SHTN1: variants seen among roughly 807,000 people sequenced by gnomAD.
The protein encoded by SHTN1 is shootin 1.
A neutral mutation model predicts 83.1 loss-of-function variants in SHTN1; 42 were observed. The observed-to-expected ratio is 0.51, with a 90% CI of 0.39 to 0.65. The LOEUF (loss-of-function observed/expected upper bound fraction) is 0.65, where lower values mean the gene tolerates loss of function less well. Ranked by LOEUF, SHTN1 falls within the 30% of genes least tolerant of loss-of-function variation. The probability of loss-of-function intolerance (pLI) is 0.00; values close to 1 mark genes in which losing one functional copy is unlikely to be tolerated. For missense variants in SHTN1, 622 were observed against 737.8 expected (o/e 0.84, Z 1.82); for synonymous variants, 224 against 247.7 (o/e 0.90, Z 0.90).
chr10:117,094,167 G>A (rs972599015), intron 1 of SHTN1, among the ~76,000 whole-genome samples: 2 of 152,054 alleles, frequency 1.3e-5, no homozygotes, highest in African/African-American at 4.8e-5. Flanking sequence ...AAAATGTATT[G>A]CCCCAAAAAG....
intron 12 of SHTN1, among the ~76,000 whole-genome samples, chr10:116,919,636 T>C (rs1213631903): frequency 6.6e-6 from 1 of 152,098 alleles, no homozygotes; most frequent in African/African-American, 2.4e-5. Flanking sequence ...CCCTCTAAAA[T>C]ATATCAATTG....
intron 1 of SHTN1, among the ~76,000 whole-genome samples, chr10:117,115,619 CCTT>C (rs1853835385): frequency 6.6e-6 from 1 of 152,174 alleles, no homozygotes; most frequent in African/African-American, 2.4e-5. Context: ...AGAAGTCTCT[CCTT>C]CTGTATCTCA....
intron 16 of SHTN1, among the ~76,000 whole-genome samples, chr10:116,891,130 G>A (rs1847331273): frequency 6.6e-6 from 1 of 152,126 alleles, no homozygotes; most frequent in African/African-American, 2.4e-5. Flanking sequence ...TATCACTCAA[G>A]CTTAATTTTA....
chr10:117,047,381 T>A (rs978969178), intron 2 of SHTN1, among the ~76,000 whole-genome samples: 4 of 141,506 alleles, frequency 2.8e-5, no homozygotes, highest in Non-Finnish European at 6.1e-5. Context: ...AATATTTTTT[T>A]TTAAAAATAA....
At chr10:117,108,672 G>A (rs925009777) in intron 1 of SHTN1, among the ~76,000 whole-genome samples, 1 of 151,566 alleles carries the variant, frequency 6.6e-6, no homozygotes, top group Non-Finnish European at 1.5e-5. Context: ...AAACCTGCAC[G>A]TTGTGCACAT....
chr10:116,932,176 T>C (rs898980469), intron 9 of SHTN1, among the ~76,000 whole-genome samples: 2 of 152,178 alleles, frequency 1.3e-5, no homozygotes, highest in African/African-American at 4.8e-5. Context: ...CACATGATCA[T>C]GCGAGTAAAT....
intron 14 of SHTN1, among the ~76,000 whole-genome samples, chr10:116,907,163 G>A (rs896857835): frequency 2.6e-5 from 4 of 152,242 alleles, no homozygotes; most frequent in African/African-American, 7.2e-5. Context: ...AAGTCACAGC[G>A]GCACTGAAAA....
intron 1 of SHTN1, among the ~76,000 whole-genome samples, chr10:117,084,597 T>C (rs1233166249): frequency 6.6e-6 from 1 of 152,208 alleles, no homozygotes; most frequent in Admixed American, 6.5e-5. Context: ...TTTGTTTACC[T>C]AAGCAAGCCT....
intron 14 of SHTN1, among the ~76,000 whole-genome samples, chr10:116,908,430 C>T (rs1427379700): frequency 1.3e-5 from 2 of 152,086 alleles, no homozygotes; most frequent in Non-Finnish European, 2.9e-5. Flanking sequence ...ATGACCAATA[C>T]TGACAAGATA....
intron 2 of SHTN1, among the ~76,000 whole-genome samples, chr10:117,039,107 A>G (rs1471426733): frequency 6.6e-6 from 1 of 152,240 alleles, no homozygotes; most frequent in African/African-American, 2.4e-5. Context: ...CCTTCAGTAC[A>G]TGAGTGATAA....
intron 16 of SHTN1, among the ~76,000 whole-genome samples, chr10:116,888,427 T>C (rs139915660): frequency 1.3e-5 from 2 of 152,316 alleles, no homozygotes; most frequent in Admixed American, 6.5e-5. Flanking sequence ...GCACTAGTCA[T>C]GCCGTCTGTG....
At chr10:117,021,254 T>C (rs1852260188) in intron 2 of SHTN1, among the ~76,000 whole-genome samples, 2 of 151,520 alleles carry the variant, frequency 1.3e-5, no homozygotes, top group Admixed American at 1.3e-4. Context: ...GTGCCTCCCT[T>C]CCTCCCTCCC....
At chr10:117,102,483 G>A (rs1853609524) in intron 1 of SHTN1, among the ~76,000 whole-genome samples, 2 of 152,046 alleles carry the variant, frequency 1.3e-5, no homozygotes, top group Admixed American at 6.6e-5. Flanking sequence ...GCCCTGCATT[G>A]TTAGAAAATC....
rs183541771 is a variant in SHTN1, at chr10:117,004,609, G to C, written c.58+413C>G. ...GTGAAACAGCCCTACAGGCCACCCA[G>C]CGCCAACAAATGTGTAAGGGTGGGG... On this transcript the variant is annotated intron_variant, in intron 1 of 16. Coordinates refer to ENST00000355371, the MANE Select transcript of SHTN1 (RefSeq NM_001127211.3). Among the ~76,000 whole-genome samples the C allele has an allele frequency of 4.9e-3, 754 of 152,328 alleles. 10 individuals carry two copies. The highest frequency in any genetic ancestry group is 0.017 in the African/African-American group (711 of 41,570).
chr10:116,935,277 TTCAG>T (rs1163669154), intron 9 of SHTN1, among the ~76,000 whole-genome samples: 2 of 152,254 alleles, frequency 1.3e-5, no homozygotes, highest in South Asian at 2.1e-4. Context: ...CTTTTGCTCA[TTCAG>T]TATGACATTG....
intron 1 of SHTN1, among the ~76,000 whole-genome samples, chr10:117,077,904 G>T (rs1283617756): frequency 6.6e-6 from 1 of 152,138 alleles, no homozygotes; most frequent in Admixed American, 6.6e-5. Flanking sequence ...AAATAAATCA[G>T]CAGTTTACAA....
chr10:116,968,771 G>A, intron 2 of SHTN1, 59 bp from the exon 3 acceptor site: 1 of 1,373,422 alleles, frequency 7.3e-7, no homozygotes, highest in Non-Finnish European at 1.0e-6. Flanking sequence ...AGTTTGAAAA[G>A]GCAAGCAAGA....
intron 9 of SHTN1, 104 bp downstream of exon 9, chr10:116,940,362 C>G (rs937849819): frequency 4.3e-5 from 50 of 1,162,644 alleles, no homozygotes; most frequent in Admixed American, 3.6e-4. Flanking sequence ...AAATATGAAA[C>G]AGTAAATGAC....
At chr10:117,001,996 C>T (rs1851836011) in intron 1 of SHTN1, among the ~76,000 whole-genome samples, 1 of 152,240 alleles carries the variant, frequency 6.6e-6, no homozygotes, top group Admixed American at 6.5e-5. Flanking sequence ...TAAAAGGTAA[C>T]ATTCTGCCCA....
Sources: gnomAD v4.1 joint callset for allele counts (sites outside exome capture counted in the v4.1 genomes callset) on GRCh38, gnomAD v4.1.1 for gene constraint, MANE v1.5 for transcripts, NCBI Gene and HGNC (gene_info 2026-07-23, HGNC 2026-07-21) for gene names.